Variants in SRSF4 observed in about 807,000 individuals in gnomAD.
SRSF4 encodes the protein serine and arginine rich splicing factor 4.
SRSF4 carries 12 observed loss-of-function variants against 48.8 expected under a neutral mutation model. The observed-to-expected ratio is 0.25, with a 90% CI of 0.16 to 0.40. The LOEUF is 0.40. Ranked by LOEUF, SRSF4 falls within the 10% of genes least tolerant of loss-of-function variation. The pLI is 1.00. For synonymous variants in SRSF4, 248 were observed against 232.5 expected, an observed-to-expected ratio of 1.07 and a Z score of -0.61; for missense variants, 466 against 667.1, an observed-to-expected ratio of 0.70 and a Z score of 3.32.
chr1:29,150,263 A>G (rs2151811717), intron 4 of SRSF4, 71 bp from the exon 5 acceptor site: 3 of 787,590 alleles, frequency 3.8e-6, no homozygotes, highest in South Asian at 5.3e-5. Flanking sequence ...AAGACTATAT[A>G]TATTATATAT....
At chr1:29,167,663 G>A (rs938388092) in intron 1 of SRSF4, among the ~76,000 whole-genome samples, 23 of 152,162 alleles carry the variant, frequency 1.5e-4, no homozygotes, top group South Asian at 8.3e-4. Flanking sequence ...GATTACAGGC[G>A]TGAGCCACTG....
intron 1 of SRSF4, chr1:29,169,868 G>C (rs1466803363): frequency 1.3e-5 from 2 of 152,228 alleles, no homozygotes; most frequent in Non-Finnish European, 2.9e-5. Context: ...ATGGGAGGTA[G>C]AGAGGAATCT....
In SRSF4 at chr1:29,154,749, G is replaced by A; in HGVS notation, c.525C>T (p.Asp175=). The A allele has an allele frequency of 6.2e-7, 1 of 1,614,192 alleles. No individual in the cohort carries two copies. Among genetic ancestry groups the A allele is most frequent in the Non-Finnish European group, 8.5e-7 (1 of 1,180,044 alleles). ...ACCGGCGTCGTCTGGAACCTGGCTT[G>A]TCTTCAACTAATCTGATTTTTCTCC... is the stretch of plus-strand genomic sequence containing the variant. The part of the protein sequence containing the change: ...VNGRKIRLVE[D]KPGSRRRRSY... The change falls in exon 4 of 6, where the codon GAC becomes GAT. Residue 175 remains aspartate (D), a synonymous_variant. Coordinates refer to ENST00000373795, the MANE Select transcript of SRSF4 (RefSeq NM_005626.5).
At chr1:29,158,301 C>T (rs1672532453) in intron 3 of SRSF4, among the ~76,000 whole-genome samples, 1 of 152,134 alleles carries the variant, frequency 6.6e-6, no homozygotes, top group Non-Finnish European at 1.5e-5. Flanking sequence ...GTCAGATTGT[C>T]AATTTCACCA....
In SRSF4 at chr1:29,147,989, T is replaced by G. The variant is rs1421421677; in HGVS notation, c.*421A>C. On this transcript the variant is annotated 3_prime_UTR_variant, in exon 6 of 6. Transcript: ENST00000373795. ...GTCCAAAAATATGAAACCAAAGTGG[T>G]AGGAAACTTAAGACTTAGCACTTTC... 2.3e-6 allele frequency: 1 copy of G among 434,828 alleles called. No individual in the cohort carries two copies. The highest frequency in any genetic ancestry group is 2.0e-5 in the African/African-American group (1 of 49,296). The allele number at this position is 434,828 out of a possible 1,614,324, so 26.9% of individuals were successfully genotyped here.
At chr1:29,157,892 G>A (rs1272828635) in intron 3 of SRSF4, among the ~76,000 whole-genome samples, 1 of 152,128 alleles carries the variant, frequency 6.6e-6, no homozygotes, top group African/African-American at 2.4e-5. Flanking sequence ...AAGTGGGGCC[G>A]GGTGCAGTGG....
intron 1 of SRSF4, among the ~76,000 whole-genome samples, chr1:29,175,660 A>G (rs1052164647): frequency 8.4e-6 from 1 of 119,534 alleles, no homozygotes; most frequent in Non-Finnish European, 1.6e-5. Context: ...GCGCCACTGC[A>G]CTCCAGCCTG....
At chr1:29,155,912 C>T (rs1422016410) in intron 3 of SRSF4, among the ~76,000 whole-genome samples, 1 of 152,150 alleles carries the variant, frequency 6.6e-6, no homozygotes, top group Non-Finnish European at 1.5e-5. Context: ...GAGAATACAA[C>T]TAATGTCCTA....
At chr1:29,173,827 A>G (rs1336401852) in intron 1 of SRSF4, among the ~76,000 whole-genome samples, 2 of 152,054 alleles carry the variant, frequency 1.3e-5, no homozygotes, top group East Asian at 1.9e-4. Flanking sequence ...TTCCTCATAT[A>G]TAATTCTAAA....
At chr1:29,169,885 AAT>A (rs1490130629) in intron 1 of SRSF4, 1 of 152,228 alleles carries the variant, frequency 6.6e-6, no homozygotes, top group African/African-American at 2.4e-5. Context: ...ATCTGCATCA[AAT>A]ATGAATTTAG....
intron 5 of SRSF4, 33 bp from the exon 6 acceptor site, chr1:29,149,259 T>C: frequency 3.1e-6 from 5 of 1,595,368 alleles, no homozygotes; most frequent in African/African-American, 1.3e-5. Context: ...TTGTGTCACA[T>C]GTGACTTCAT....
chr1:29,167,222 T>C (rs943467590), intron 1 of SRSF4, among the ~76,000 whole-genome samples: 19 of 152,240 alleles, frequency 1.2e-4, no homozygotes, highest in African/African-American at 4.3e-4. Flanking sequence ...AGTATCTTTA[T>C]GTCACTCTCT....
intron 1 of SRSF4, among the ~76,000 whole-genome samples, chr1:29,176,028 G>A (rs1489849397): frequency 6.6e-6 from 1 of 152,086 alleles, no homozygotes; most frequent in Non-Finnish European, 1.5e-5. Flanking sequence ...CGAGGCAGGT[G>A]GATCATGAGG....
At chr1:29,162,974 G>GT (rs1247929650) in intron 1 of SRSF4, among the ~76,000 whole-genome samples, 6 of 152,172 alleles carry the variant, frequency 3.9e-5, no homozygotes, top group Non-Finnish European at 8.8e-5. Context: ...AGATCACCCT[G>GT]TTCCAAGGCT....
rs151114455 is a variant in SRSF4, at chr1:29,160,514, A to G, written c.111T>C (p.Tyr37=). The change falls in exon 2 of 6, where the codon TAT becomes TAC. Residue 37 remains tyrosine (Y), a synonymous_variant. Coordinates refer to ENST00000373795, the MANE Select transcript of SRSF4 (RefSeq NM_005626.5). ...GCAGATCATCAAACTCCACAAAACCATATCTAGAAGAGAGCAAAGAAAATA... is the reference window on the plus strand; with the variant it reads ...GCAGATCATCAAACTCCACAAAACCGTATCTAGAAGAGAGCAAAGAAAATA... ...KILEVDLKNG[Y]GFVEFDDLRD... The G allele has an allele frequency of 3.2e-5, 52 of 1,610,474 alleles. No individual in the cohort carries two copies. Among genetic ancestry groups the G allele is most frequent in the Middle Eastern group, 1.7e-4 (1 of 6,054 alleles).
chr1:29,152,503 G>T (rs1672426472), intron 4 of SRSF4, among the ~76,000 whole-genome samples: 1 of 152,058 alleles, frequency 6.6e-6, no homozygotes, highest in African/African-American at 2.4e-5. Context: ...CAGTATATCT[G>T]GTCCTTCTCT....
At chr1:29,156,596 G>C (rs1043785779) in intron 3 of SRSF4, among the ~76,000 whole-genome samples, 7 of 152,166 alleles carry the variant, frequency 4.6e-5, no homozygotes. Flanking sequence ...AGTGACCTTA[G>C]TGGCAGAACC....
chr1:29,154,723 G>C lies in SRSF4; in HGVS notation c.551C>G (p.Ser184Cys). ...TGAATGACTCCGGCTTCTGGAGTAG[G>C]ACCGGCGTCGTCTGGAACCTGGCTT... ...EDKPGSRRRR[S>C]YSRSRSHSRS... Residue 184 changes from serine to cysteine, a missense_variant, in exon 4 of 6, where the codon TCC becomes TGC. This residue lies in a region of SRSF4 where 402 missense variants were observed against 437.0 expected (regional missense o/e 0.92). Transcript: ENST00000373795. 1 of 1,614,190 alleles carries C rather than the reference G, an allele frequency of 6.2e-7. No individual in the cohort carries two copies. Among genetic ancestry groups the C allele is most frequent in the Non-Finnish European group, 8.5e-7 (1 of 1,180,034 alleles).
At position 29,157,335 on chromosome 1, in the gene SRSF4, T is replaced by C. The variant is rs534162445; in HGVS notation, c.363+2039A>G. Reference sequence around the variant, plus strand: ...ACTAAGCTCTGTTCTAACAAAAAAATTAAGAGGTTTTCTAAGAAGTTAATT... The same window carrying C: ...ACTAAGCTCTGTTCTAACAAAAAAACTAAGAGGTTTTCTAAGAAGTTAATT... On this transcript the variant is annotated intron_variant, in intron 3 of 5. Coordinates refer to ENST00000373795, the MANE Select transcript of SRSF4 (RefSeq NM_005626.5). 2.4e-4 allele frequency among the ~76,000 whole-genome samples: 37 copies of C among 152,200 alleles called. 1 individual carries two copies. Among genetic ancestry groups the C allele is most frequent in the Non-Finnish European group, 3.4e-4 (23 of 68,004 alleles).
Sources: gnomAD v4.1 joint callset for allele counts (sites outside exome capture counted in the v4.1 genomes callset) on GRCh38, gnomAD v4.1.1 for gene constraint, gnomAD v4.1.1 regional missense constraint, MANE v1.5 for transcripts, NCBI Gene and HGNC (gene_info 2026-07-23, HGNC 2026-07-21) for gene names.